Variants in PBX1 observed in about 807,000 individuals in gnomAD.
The protein encoded by PBX1 is pre-B-cell leukemia transcription factor 1.
A neutral mutation model predicts 53.4 loss-of-function variants in PBX1; 6 were observed. The observed-to-expected ratio is 0.11, with a 90% CI of 0.06 to 0.22. The LOEUF (loss-of-function observed/expected upper bound fraction) is 0.22, where lower values mean the gene tolerates loss of function less well. PBX1 is among the 10% of genes least tolerant of loss of function. The pLI is 1.00. For missense variants in PBX1, 251 were observed against 551.4 expected, an observed-to-expected ratio of 0.46 and a Z score of 5.46; for synonymous variants, 204 against 212.3, an observed-to-expected ratio of 0.96 and a Z score of 0.34.
At position 164,758,673 on chromosome 1, in the gene PBX1, C is replaced by A. The variant is rs1353208633; in HGVS notation, c.266-33821C>A. Among the ~76,000 whole-genome samples the A allele has an allele frequency of 2.0e-5, 3 of 152,256 alleles. No homozygotes were observed. In the East Asian group the frequency reaches 5.8e-4, roughly 29 times the overall value. The stretch of plus-strand genomic sequence containing the variant: ...AATTACCATCTAAAAGTATACTTGG[C>A]CCCTTCAAAGTATGAGAGTTAGATC... On this transcript the variant is annotated intron_variant, in intron 2 of 8. Coordinates refer to ENST00000420696, the MANE Select transcript of PBX1 (RefSeq NM_002585.4).
At chr1:164,605,618 T>C (rs2101812805) in intron 2 of PBX1, among the ~76,000 whole-genome samples, 1 of 152,296 alleles carries the variant, frequency 6.6e-6, no homozygotes, top group East Asian at 1.9e-4. Flanking sequence ...TGTTTGGTGG[T>C]TTGTGAAGCC....
At chr1:164,836,567 A>G (rs537312505) in intron 8 of PBX1, among the ~76,000 whole-genome samples, 1 of 152,266 alleles carries the variant, frequency 6.6e-6, no homozygotes, top group Non-Finnish European at 1.5e-5. Flanking sequence ...TTTAAAAACA[A>G]CAATATCCTC....
chr1:164,636,233 G>A (rs193137157), intron 2 of PBX1, among the ~76,000 whole-genome samples: 34 of 152,180 alleles, frequency 2.2e-4, no homozygotes, highest in African/African-American at 6.7e-4. Context: ...GAGATGGAAG[G>A]GGGGAGGAAC....
At chr1:164,843,270 A>C (rs1671391533) in intron 8 of PBX1, among the ~76,000 whole-genome samples, 1 of 152,192 alleles carries the variant, frequency 6.6e-6, no homozygotes. Flanking sequence ...ATTCTTCCAC[A>C]TTCCCCAGCA....
Position 164,807,641 on chromosome 1 carries a change from G to A in PBX1, c.801G>A (p.Glu267=), listed in dbSNP as rs982554794. The part of the protein sequence containing the change: ...SNPYPSEEAK[E]ELAKKCGITV... ...CTTACCCCAGTGAGGAAGCCAAAGA[G>A]GAGTTAGCCAAGAAGTGTGGCATCA... is the stretch of plus-strand genomic sequence containing the variant. The change falls in exon 5 of 9, where the codon GAG becomes GAA. Residue 267 remains glutamate, a synonymous_variant. Coordinates refer to ENST00000420696, the MANE Select transcript of PBX1 (RefSeq NM_002585.4). 3 of 1,613,982 alleles carry A rather than the reference G, an allele frequency of 1.9e-6. No homozygotes were observed. Among genetic ancestry groups the A allele is most frequent in the African/African-American group, 2.7e-5 (2 of 74,922 alleles).
intron 2 of PBX1, among the ~76,000 whole-genome samples, chr1:164,710,631 A>G (rs932804042): frequency 1.3e-5 from 2 of 152,124 alleles, no homozygotes; most frequent in South Asian, 2.1e-4. Flanking sequence ...GGCTGGTCTC[A>G]AACTCCCGAA....
chr1:164,630,068 A>C (rs777509457), intron 2 of PBX1, among the ~76,000 whole-genome samples: 9 of 152,142 alleles, frequency 5.9e-5, no homozygotes, highest in Non-Finnish European at 1.3e-4. Flanking sequence ...GATAACGTAA[A>C]ATTTTTCCTA....
At chr1:164,570,171 C>T (rs1412768576) in intron 2 of PBX1, among the ~76,000 whole-genome samples, 1 of 152,174 alleles carries the variant, frequency 6.6e-6, no homozygotes, top group African/African-American at 2.4e-5. Flanking sequence ...GGAAAAGTAG[C>T]ACAAGTGAGT....
Position 164,795,060 on chromosome 1 carries a change from A to T in PBX1, c.510+2322A>T, listed in dbSNP as rs531192951. 5.4e-3 allele frequency among the ~76,000 whole-genome samples: 829 copies of T among 152,328 alleles called. 8 individuals carry two copies. The highest frequency in any genetic ancestry group is 0.019 in the African/African-American group (781 of 41,558). On this transcript the variant is annotated intron_variant, in intron 3 of 8. Coordinates refer to ENST00000420696, the MANE Select transcript of PBX1 (RefSeq NM_002585.4). ...AGTACATTTTAATAGCATGTCACCA[A>T]TTACAAAACACTGCGGCTGACATAA...
chr1:164,858,109 GA>G (rs57989128), intron 2 of PBX1, among the ~76,000 whole-genome samples: 4 of 151,824 alleles, frequency 2.6e-5, no homozygotes, highest in African/African-American at 9.7e-5. Context: ...TACTCTTCCT[GA>G]AAAAGTTCTT....
intron 3 of PBX1, among the ~76,000 whole-genome samples, chr1:164,799,423 G>A (rs1036364643): frequency 6.6e-6 from 1 of 152,124 alleles, no homozygotes; most frequent in East Asian, 1.9e-4. Flanking sequence ...CCCGGGAGGC[G>A]GGGCTTGCAG....
intron 2 of PBX1, among the ~76,000 whole-genome samples, chr1:164,871,027 T>A (rs1033656789): frequency 6.6e-6 from 1 of 152,144 alleles, no homozygotes; most frequent in African/African-American, 2.4e-5. Context: ...TTTCATCCTA[T>A]TTAATTGAGC....
rs1444736432 is a variant in PBX1, at chr1:164,823,601, G to A, written c.1200+1975G>A. Among the ~76,000 whole-genome samples the A allele has an allele frequency of 6.8e-5, 8 of 118,300 alleles. No homozygotes were observed. In the South Asian group the frequency reaches 2.5e-3, roughly 38 times the overall value. 77.6% of individuals were successfully genotyped at this position (118,300 alleles called of 152,430 possible). On this transcript the variant is annotated intron_variant, in intron 8 of 8. Coordinates refer to ENST00000420696, the MANE Select transcript of PBX1 (RefSeq NM_002585.4). Reference sequence around the variant, plus strand: ...GCAGCATAGAAGAGAGAGAGCAGCAGTCAGACTCTGGGGGGTGGGGGGGGG... The same window carrying A: ...GCAGCATAGAAGAGAGAGAGCAGCAATCAGACTCTGGGGGGTGGGGGGGGG...
At chr1:164,628,722 C>T (rs1254368278) in intron 2 of PBX1, among the ~76,000 whole-genome samples, 1 of 151,972 alleles carries the variant, frequency 6.6e-6, no homozygotes, top group African/African-American at 2.4e-5. Flanking sequence ...CTGTATCTCT[C>T]TCTTTCTCTC....
chr1:164,663,192 TCCTTCCTGCCTTCCTTCCTG>T (rs1660596464), intron 2 of PBX1, among the ~76,000 whole-genome samples: 1 of 149,704 alleles, frequency 6.7e-6, no homozygotes, highest in Non-Finnish European at 1.5e-5. Flanking sequence ...CTTCCTGTCT[TCCTTCCTGCCTTCCTTCCTG>T]CCTTCCTGCC....
At chr1:164,640,840 G>A (rs1423567094) in intron 2 of PBX1, among the ~76,000 whole-genome samples, 1 of 152,118 alleles carries the variant, frequency 6.6e-6, no homozygotes, top group African/African-American at 2.4e-5. Context: ...TTACAGGCAT[G>A]AGCCACTGCA....
intron 2 of PBX1, among the ~76,000 whole-genome samples, chr1:164,675,552 G>T (rs1661383522): frequency 1.3e-5 from 2 of 152,016 alleles, no homozygotes; most frequent in African/African-American, 4.8e-5. Flanking sequence ...TGTGTGGGTG[G>T]GAACTTTTTT....
intron 2 of PBX1, among the ~76,000 whole-genome samples, chr1:164,867,753 C>T (rs1672253351): frequency 6.6e-6 from 1 of 152,238 alleles, no homozygotes; most frequent in Non-Finnish European, 1.5e-5. Flanking sequence ...TTCATATCCC[C>T]CATGGATTTC....
intron 2 of PBX1, among the ~76,000 whole-genome samples, chr1:164,736,255 G>A (rs1339676864): frequency 2.6e-5 from 4 of 152,112 alleles, no homozygotes; most frequent in Admixed American, 1.3e-4. Flanking sequence ...ATTAGAAATA[G>A]CTGCGGGGGA....
Sources: allele counts gnomAD v4.1 joint callset (sites outside exome capture counted in the v4.1 genomes callset), GRCh38; gene constraint gnomAD v4.1.1; transcripts MANE v1.5; gene names NCBI Gene and HGNC (gene_info 2026-07-23, HGNC 2026-07-21).